CSNK1G2: variants seen among roughly 807,000 people sequenced by gnomAD.
CSNK1G2 encodes casein kinase 1 gamma 2, also known as casein kinase I isoform gamma-2.
CSNK1G2 carries 11 observed loss-of-function variants against 48.0 expected under a neutral mutation model. That is an observed-to-expected ratio of 0.23 (90% CI 0.14 to 0.38). The LOEUF (loss-of-function observed/expected upper bound fraction) is 0.38. Among genes scored for constraint, CSNK1G2 ranks in the 10% least tolerant of loss-of-function variants. CSNK1G2 has a pLI of 1.00. For missense variants in CSNK1G2, 446 were observed against 595.5 expected, an observed-to-expected ratio of 0.75 and a Z score of 2.61; for synonymous variants, 337 against 254.1, an observed-to-expected ratio of 1.33 and a Z score of -3.10.
rs780485412 is a variant in CSNK1G2 at position 1,979,820 on chromosome 19, G to A, written c.1071G>A (p.Pro357=). ...SQPQLRDKTQ[P]HSKNQALNST... ...CTCAGCTCCGGGACAAAACCCAGCCGCACAGCAAAAACCAGGTGAGGCCCG... is the reference window on the plus strand; with the variant it reads ...CTCAGCTCCGGGACAAAACCCAGCCACACAGCAAAAACCAGGTGAGGCCCG... Residue 357 remains proline, a synonymous_variant, in exon 10 of 12, where the codon CCG becomes CCA. Coordinates refer to ENST00000255641, the MANE Select transcript of CSNK1G2 (RefSeq NM_001319.7). 15 of 1,605,978 alleles carry A rather than the reference G, an allele frequency of 9.3e-6. No individual in the cohort carries two copies. The highest frequency in any genetic ancestry group is 1.7e-5 in the Admixed American group (1 of 59,198).
Position 1,978,834 on chromosome 19 carries a change from C to T in CSNK1G2, c.448-25C>T, listed in dbSNP as rs2277737. 31,727 of 1,592,444 alleles carry T rather than the reference C, an allele frequency of 0.02. 428 individuals carry two copies. Among genetic ancestry groups the T allele is most frequent in the Admixed American group, 0.061 (3,573 of 58,798 alleles). On this transcript the variant is annotated intron_variant, in intron 5 of 11. Coordinates refer to ENST00000255641, the MANE Select transcript of CSNK1G2 (RefSeq NM_001319.7). The surrounding 1 kb of genome is among the most constrained non-coding windows in gnomAD (Gnocchi z 7.3). Reference sequence around the variant, plus strand: ...GCGCGTGGGACGGGGAGGGGCCCGGCCGACACCGCCGTGCCCCCCTGCAGA... The same window carrying T: ...GCGCGTGGGACGGGGAGGGGCCCGGTCGACACCGCCGTGCCCCCCTGCAGA...
In CSNK1G2 at chr19:1,978,957, T is replaced by G; in HGVS notation, c.546T>G (p.His182Gln). ...GCCGCCCGGGGACCAAGCGGCAGCATGCCATCCACATCATCGACTTCGGGC... is the reference window on the plus strand; with the variant it reads ...GCCGCCCGGGGACCAAGCGGCAGCAGGCCATCCACATCATCGACTTCGGGC... Reference protein sequence around the residue: ...LVGRPGTKRQHAIHIIDFGLA... With the variant: ...LVGRPGTKRQQAIHIIDFGLA... Residue 182 changes from histidine (H) to glutamine (Q), a missense_variant, in exon 6 of 12, where the codon CAT (histidine) becomes CAG (glutamine). By Grantham distance (24) the His-to-Gln change is conservative. Transcript: ENST00000255641. This position sits in a 1 kb window ranked among gnomAD's most constrained non-coding sequence, Gnocchi z 7.3. The G allele has an allele frequency of 2.5e-6, 4 of 1,601,070 alleles. No homozygotes were observed. The highest frequency in any genetic ancestry group is 1.7e-6 in the Non-Finnish European group (2 of 1,179,664).
At chr19:1,946,374 C>T (rs1293603832) in intron 1 of CSNK1G2, among the ~76,000 whole-genome samples, 1 of 151,120 alleles carries the variant, frequency 6.6e-6, no homozygotes, top group Non-Finnish European at 1.5e-5. Context: ...TCACTGCAAG[C>T]TCCGCCTCTT....
intron 2 of CSNK1G2, among the ~76,000 whole-genome samples, chr19:1,976,741 CTT>C (rs34862138): frequency 9.6e-4 from 138 of 144,188 alleles, no homozygotes; most frequent in Middle Eastern, 3.6e-3. Context: ...TTCTTGCTTT[CTT>C]TTTTTTTTTT....
rs544241818 is a variant in CSNK1G2 at position 1,951,972 on chromosome 19, G to T, written c.-266+10554G>T. Among the ~76,000 whole-genome samples, 22 of 152,298 alleles carry T rather than the reference G, an allele frequency of 1.4e-4. No homozygotes were observed. In the South Asian group the frequency reaches 3.5e-3, roughly 24 times the overall value. On this transcript the variant is annotated intron_variant, in intron 1 of 11. Coordinates refer to ENST00000255641, the MANE Select transcript of CSNK1G2 (RefSeq NM_001319.7). ...TGGGATTACAGGCGAGAGCCACCGG[G>T]CCCGGCCATTCTCTGCTGTTTTCTG... is the stretch of plus-strand genomic sequence containing the variant.
chr19:1,962,388 G>A (rs939485518), intron 1 of CSNK1G2, among the ~76,000 whole-genome samples: 3 of 150,680 alleles, frequency 2.0e-5, no homozygotes, highest in Non-Finnish European at 4.4e-5. Flanking sequence ...CACAGAAGTG[G>A]GGTCACCACA....
intron 2 of CSNK1G2, chr19:1,976,259 C>G (rs1417383723): frequency 3.4e-5 from 16 of 469,862 alleles, no homozygotes; most frequent in East Asian, 7.0e-5. Context: ...GGGGACCAGC[C>G]CTGGTCCCCG....
Position 1,957,084 on chromosome 19 carries a change from C to A in CSNK1G2, c.-265-12424C>A, listed in dbSNP as rs182662527. 2.0e-5 allele frequency among the ~76,000 whole-genome samples: 3 copies of A among 152,104 alleles called. No homozygotes were observed. Among genetic ancestry groups the A allele is most frequent in the Non-Finnish European group, 4.4e-5 (3 of 68,006 alleles). On this transcript the variant is annotated intron_variant, in intron 1 of 11. Coordinates refer to ENST00000255641, the MANE Select transcript of CSNK1G2 (RefSeq NM_001319.7). This position sits in a 1 kb window ranked among gnomAD's most constrained non-coding sequence, Gnocchi z 5.4. Reference sequence around the variant, plus strand: ...GCTGCGTGGCTTAAACGGTGCCACCCGGAGATTGGTGGGCGGGATTGGGCC... The same window carrying A: ...GCTGCGTGGCTTAAACGGTGCCACCAGGAGATTGGTGGGCGGGATTGGGCC...
Position 1,969,931 on chromosome 19 carries a change from C to A in CSNK1G2, c.159C>A (p.Gly53=). The change falls in exon 2 of 12, where the codon GGC becomes GGA. Residue 53 remains glycine, a synonymous_variant. Transcript: ENST00000255641. ...ACTTCCGCGTCGGCAAGAAGATCGG[C>A]TGCGGCAACTTCGGGGAGCTCCGCC... is the stretch of plus-strand genomic sequence containing the variant. ...GPNFRVGKKI[G]CGNFGELRLG... 7.6e-7 allele frequency: 1 copy of A among 1,311,212 alleles called. No individual in the cohort carries two copies. Among genetic ancestry groups the A allele is most frequent in the Non-Finnish European group, 9.8e-7 (1 of 1,022,120 alleles). 81.2% of individuals were successfully genotyped at this position (1,311,212 alleles called of 1,614,324 possible).
intron 1 of CSNK1G2, among the ~76,000 whole-genome samples, chr19:1,960,148 C>G (rs933896052): frequency 4.6e-5 from 7 of 152,322 alleles, no homozygotes; most frequent in African/African-American, 1.7e-4. Context: ...CGAATGTCTG[C>G]GTCAGCACAG....
chr19:1,971,923 C>G (rs2015587002), intron 2 of CSNK1G2, among the ~76,000 whole-genome samples: 1 of 152,152 alleles, frequency 6.6e-6, no homozygotes, highest in South Asian at 2.1e-4. Context: ...GCGCCCGCCA[C>G]CACACCCGGC....
intron 2 of CSNK1G2, among the ~76,000 whole-genome samples, chr19:1,977,131 C>T (rs1449244793): frequency 6.6e-6 from 1 of 152,236 alleles, no homozygotes; most frequent in Non-Finnish European, 1.5e-5. Context: ...GCCTGAGAGA[C>T]GGGGCTGCCC....
intron 1 of CSNK1G2, among the ~76,000 whole-genome samples, chr19:1,956,683 G>T (rs1015716228): frequency 5.3e-5 from 8 of 152,220 alleles, no homozygotes; most frequent in Non-Finnish European, 1.2e-4. Flanking sequence ...CATCTGGGTA[G>T]ACTGAGTGTT....
At position 1,949,590 on chromosome 19, in the gene CSNK1G2, G is replaced by A. The variant is rs540746012; in HGVS notation, c.-266+8172G>A. Among the ~76,000 whole-genome samples, 40 of 152,324 alleles carry A rather than the reference G, an allele frequency of 2.6e-4. No homozygotes were observed. The South Asian group carries it at 5.2e-3, about 20-fold the overall frequency. ...GTGGCTGCTGCGAGCACCCGTGTCC[G>A]GTTCCCGTGTGGCTGCGTGATTCTT... is the stretch of plus-strand genomic sequence containing the variant. On this transcript the variant is annotated intron_variant, in intron 1 of 11. Coordinates refer to ENST00000255641, the MANE Select transcript of CSNK1G2 (RefSeq NM_001319.7).
At chr19:1,962,486 G>C (rs2015230430) in intron 1 of CSNK1G2, among the ~76,000 whole-genome samples, 1 of 149,098 alleles carries the variant, frequency 6.7e-6, no homozygotes, top group African/African-American at 2.5e-5. Context: ...AGGCAACATA[G>C]CAAGATCCCA....
intron 1 of CSNK1G2, among the ~76,000 whole-genome samples, chr19:1,946,289 T>TATTTATTTATTATTTA (rs56098852): frequency 1.5e-4 from 22 of 143,868 alleles, no homozygotes; most frequent in South Asian, 4.5e-4. Context: ...TTTATTTATT[T>TATTTATTTATTATTTA]TTTATTTATT....
At chr19:1,964,808 C>T (rs540677464) in intron 1 of CSNK1G2, among the ~76,000 whole-genome samples, 2 of 151,516 alleles carry the variant, frequency 1.3e-5, no homozygotes, top group Non-Finnish European at 2.9e-5. Context: ...TCACTGCAAG[C>T]TCCCCCTCCC....
chr19:1,946,962 C>T (rs568675371), intron 1 of CSNK1G2, among the ~76,000 whole-genome samples: 8 of 152,176 alleles, frequency 5.3e-5, no homozygotes, highest in African/African-American at 1.7e-4. Flanking sequence ...CCATGTTGGC[C>T]AAGCTGGTCT....
At chr19:1,977,501 C>G (rs961004735) in intron 2 of CSNK1G2, among the ~76,000 whole-genome samples, 2 of 152,190 alleles carry the variant, frequency 1.3e-5, no homozygotes, top group Non-Finnish European at 2.9e-5. Context: ...GCCTGTTATC[C>G]CAGCCCTGTG....
Sources: gnomAD v4.1 joint callset for allele counts (sites outside exome capture counted in the v4.1 genomes callset) on GRCh38, gnomAD v4.1.1 for gene constraint, Gnocchi (gnomAD v3.1) non-coding constraint, MANE v1.5 for transcripts, NCBI Gene and HGNC (gene_info 2026-07-23, HGNC 2026-07-21) for gene names.